VPS13B: variants seen among roughly 807,000 people sequenced by gnomAD.
The protein encoded by VPS13B is vacuolar protein sorting 13 homolog B.
VPS13B carries 285 observed loss-of-function variants against 426.4 expected under a neutral mutation model. That is an observed-to-expected ratio of 0.67 (90% CI 0.61 to 0.74). The LOEUF is 0.74. Among genes scored for constraint, VPS13B ranks in the 30% least tolerant of loss-of-function variants. The pLI, the probability that VPS13B is intolerant of heterozygous loss-of-function variation, is 0.00. For missense variants in VPS13B, 4,537 were observed against 4,782.6 expected (o/e 0.95, Z 1.51); for synonymous variants, 1,676 against 1,676.4 (o/e 1.00, Z 0.01).
chr8:99,531,918 A>T (rs1822955998), intron 30 of VPS13B, among the ~76,000 whole-genome samples: 2 of 152,150 alleles, frequency 1.3e-5, no homozygotes, highest in African/African-American at 4.8e-5. Context: ...TAGATTTTTT[A>T]AAATAGTGAT....
At chr8:99,077,546 A>G (rs535942426) in intron 3 of VPS13B, among the ~76,000 whole-genome samples, 1 of 151,696 alleles carries the variant, frequency 6.6e-6, no homozygotes, top group Middle Eastern at 3.4e-3. Flanking sequence ...AATATTTTGA[A>G]TATATTATCT....
At chr8:99,658,362 G>C (rs1288245371) in intron 34 of VPS13B, among the ~76,000 whole-genome samples, 1 of 152,056 alleles carries the variant, frequency 6.6e-6, no homozygotes, top group African/African-American at 2.4e-5. Context: ...AAGAACTCAA[G>C]AGAAAAATGT....
intron 25 of VPS13B, among the ~76,000 whole-genome samples, chr8:99,491,085 G>A (rs1050494344): frequency 6.6e-6 from 1 of 152,122 alleles, no homozygotes; most frequent in Non-Finnish European, 1.5e-5. Flanking sequence ...ATGTGTCCTA[G>A]AGATTCTGGT....
At chr8:99,780,212 A>G (rs1811948357) in intron 42 of VPS13B, among the ~76,000 whole-genome samples, 1 of 152,140 alleles carries the variant, frequency 6.6e-6, no homozygotes, top group Non-Finnish European at 1.5e-5. Context: ...GCCATGTGAA[A>G]AAAAAGACCT....
At chr8:99,192,684 ATAT>A (rs1219678351) in intron 16 of VPS13B, among the ~76,000 whole-genome samples, 189 bp from the exon 17 acceptor site, 1 of 152,124 alleles carries the variant, frequency 6.6e-6, no homozygotes, top group Non-Finnish European at 1.5e-5. Flanking sequence ...TTGTATTTTT[ATAT>A]TATTCAGAGT....
At chr8:99,094,679 AG>A (rs1342767837) in intron 3 of VPS13B, among the ~76,000 whole-genome samples, 1 of 152,172 alleles carries the variant, frequency 6.6e-6, no homozygotes, top group Non-Finnish European at 1.5e-5. Context: ...AGTGAATAAA[AG>A]TTTTCTTAAA....
intron 19 of VPS13B, among the ~76,000 whole-genome samples, chr8:99,328,062 G>A (rs914780589): frequency 6.6e-6 from 1 of 152,176 alleles, no homozygotes. Context: ...GCAGGTTAGT[G>A]GTGGGTTAGT....
At chr8:99,501,593 A>G in intron 25 of VPS13B, 94 bp from the exon 26 acceptor site, 1 of 1,310,290 alleles carries the variant, frequency 7.6e-7, no homozygotes, top group Non-Finnish European at 1.1e-6. Context: ...TGAAAAAGTT[A>G]CAAATAATAA....
chr8:99,079,247 TG>T (rs1845308200), intron 3 of VPS13B, among the ~76,000 whole-genome samples: 1 of 152,022 alleles, frequency 6.6e-6, no homozygotes, highest in Non-Finnish European at 1.5e-5. Context: ...TGTGTGCAAG[TG>T]GTGGTGGCAG....
At chr8:99,414,259 T>C (rs927849172) in intron 21 of VPS13B, among the ~76,000 whole-genome samples, 9 of 151,760 alleles carry the variant, frequency 5.9e-5, no homozygotes, top group African/African-American at 2.2e-4. Context: ...TTTTTTGCTT[T>C]CCATTTGCTT....
chr8:99,622,745 CA>C (rs1257469287), intron 33 of VPS13B, among the ~76,000 whole-genome samples: 3 of 152,176 alleles, frequency 2.0e-5, no homozygotes, highest in African/African-American at 7.2e-5. Flanking sequence ...TAGTCATATA[CA>C]ACACCCTTTT....
At chr8:99,404,395 A>G (rs1293158665) in intron 21 of VPS13B, among the ~76,000 whole-genome samples, 1 of 152,190 alleles carries the variant, frequency 6.6e-6, no homozygotes, top group Admixed American at 6.5e-5. Context: ...TCACATAGTG[A>G]TGACATACAT....
At chr8:99,037,862 T>C (rs1378933502) in intron 2 of VPS13B, among the ~76,000 whole-genome samples, 1 of 150,830 alleles carries the variant, frequency 6.6e-6, no homozygotes, top group African/African-American at 2.4e-5. Context: ...TTTAAGTTGA[T>C]CAGTTTTCAT....
intron 23 of VPS13B, among the ~76,000 whole-genome samples, chr8:99,456,476 G>A (rs1818470091): frequency 6.6e-6 from 1 of 151,954 alleles, no homozygotes; most frequent in Admixed American, 6.6e-5. Flanking sequence ...CCATTTTATT[G>A]AAACCTTTTA....
chr8:99,541,380 C>G (rs1056223825), intron 30 of VPS13B, among the ~76,000 whole-genome samples: 1 of 151,980 alleles, frequency 6.6e-6, no homozygotes, highest in African/African-American at 2.4e-5. Context: ...GCTGGACATG[C>G]AGGTTTGTTG....
chr8:99,074,433 G>A (rs1297086833), intron 3 of VPS13B, among the ~76,000 whole-genome samples: 2 of 151,154 alleles, frequency 1.3e-5, no homozygotes, highest in Non-Finnish European at 3.0e-5. Context: ...GCGTGAAACC[G>A]GGAGGCAGAG....
At chr8:99,623,903 T>C (rs868213203) in intron 33 of VPS13B, among the ~76,000 whole-genome samples, 5 of 151,716 alleles carry the variant, frequency 3.3e-5, no homozygotes, top group Middle Eastern at 3.4e-3. Context: ...CATAAGAACA[T>C]GCACTTGTTC....
chr8:99,570,573 T>C (rs1825423402), intron 31 of VPS13B, among the ~76,000 whole-genome samples: 1 of 152,052 alleles, frequency 6.6e-6, no homozygotes, highest in Non-Finnish European at 1.5e-5. Context: ...TTTTTTCTTA[T>C]GTTTTTTTAA....
At chr8:99,322,888 G>A (rs77717611) in intron 19 of VPS13B, among the ~76,000 whole-genome samples, 65 of 152,308 alleles carry the variant, frequency 4.3e-4, no homozygotes, top group African/African-American at 1.4e-3. Flanking sequence ...TTTCTGATGT[G>A]TGTTATCTTC....
Sources: gnomAD v4.1 joint callset for allele counts (sites outside exome capture counted in the v4.1 genomes callset) on GRCh38, gnomAD v4.1.1 for gene constraint, MANE v1.5 for transcripts, NCBI Gene and HGNC (gene_info 2026-07-23, HGNC 2026-07-21) for gene names.